Variants in ERICH1 observed in about 807,000 individuals in gnomAD.
ERICH1 encodes the protein glutamate rich 1, also known as glutamate-rich protein 1.
Under a neutral mutation model 39.6 loss-of-function variants are expected in ERICH1, and 56 were observed. The ratio of observed to expected loss-of-function variants is 1.41; its 90% confidence interval spans 1.14 to 1.77. ERICH1 has a LOEUF of 1.77. Among genes scored for constraint, ERICH1 ranks in the 40% most tolerant of loss-of-function variants. The pLI is 0.00. For missense variants in ERICH1, 826 were observed against 575.4 expected (o/e 1.44, Z -4.45); for synonymous variants, 313 against 223.6 (o/e 1.40, Z -3.57).
intron 3 of ERICH1, among the ~76,000 whole-genome samples, chr8:633,163 G>A (rs544685596): frequency 3.9e-5 from 6 of 152,170 alleles, no homozygotes; most frequent in African/African-American, 9.6e-5. Flanking sequence ...TGTGGAGCCC[G>A]CGTGGGGCCG....
At chr8:635,275 C>G (rs1318976586) in intron 3 of ERICH1, among the ~76,000 whole-genome samples, 1 of 152,170 alleles carries the variant, frequency 6.6e-6, no homozygotes, top group African/African-American at 2.4e-5. Flanking sequence ...GCGTCAGGTC[C>G]ATAGAGAAAA....
intron 1 of ERICH1, among the ~76,000 whole-genome samples, chr8:720,253 C>G (rs1162858828): frequency 6.6e-6 from 1 of 152,150 alleles, no homozygotes; most frequent in Non-Finnish European, 1.5e-5. Flanking sequence ...GCCGAGGTGC[C>G]CACGAGGAAG....
rs1386590088 is a variant in ERICH1, at chr8:673,465, T to A, written c.887A>T (p.Glu296Val). Residue 296 changes from glutamate (E) to valine (V), a missense_variant, in exon 4 of 6, where the codon GAG becomes GTG. Glu to Val is a moderately radical substitution (Grantham distance 121). Transcript: ENST00000262109. ...TTCCTCGCTGGCGTCCGCACCGTCC[T>A]CCTCCCTGGTGTCTTTACCGTCTTC... is the stretch of plus-strand genomic sequence containing the variant. ...GEEDGKDTREEDGADASEEDP... is the reference protein window; with the variant it reads ...GEEDGKDTREVDGADASEEDP... 1 of 1,611,694 alleles carries A rather than the reference T, an allele frequency of 6.2e-7. No individual in the cohort carries two copies. Among genetic ancestry groups the A allele is most frequent in the Admixed American group, 1.7e-5 (1 of 59,798 alleles).
chr8:665,944 G>T (rs1421325120), intron 5 of ERICH1: 14 of 152,194 alleles, frequency 9.2e-5, no homozygotes. Context: ...TCAAAAACTC[G>T]TATAGGCCAA....
At position 693,746 on chromosome 8, in the gene ERICH1, C is replaced by T. The variant is rs75728793; in HGVS notation, c.170-1134G>A. On this transcript the variant is annotated intron_variant, in intron 2 of 5. Transcript: ENST00000262109. ...TGGAACCTCCCTGCTGTGTGCCCCT[C>T]TGCGCACGGGACCTCCCCTGCTGTG... is the stretch of plus-strand genomic sequence containing the variant. Among the ~76,000 whole-genome samples, 612 of 151,558 alleles carry T rather than the reference C, an allele frequency of 4.0e-3. 5 individuals are homozygous for T. The highest frequency in any genetic ancestry group is 0.014 in the African/African-American group (590 of 41,318).
chr8:727,407 A>T (rs899017851), intron 1 of ERICH1, among the ~76,000 whole-genome samples: 1 of 152,206 alleles, frequency 6.6e-6, no homozygotes, highest in African/African-American at 2.4e-5. Context: ...GAGGTGCAGG[A>T]GAAACCAGAA....
chr8:644,080 C>T (rs776512591), intron 3 of ERICH1, among the ~76,000 whole-genome samples: 14 of 152,182 alleles, frequency 9.2e-5, no homozygotes, highest in Non-Finnish European at 8.8e-5. Context: ...AGACACAAAT[C>T]GGGGAAGGTG....
intron 3 of ERICH1, among the ~76,000 whole-genome samples, chr8:658,068 G>C (rs191047740): frequency 6.6e-6 from 1 of 152,222 alleles, no homozygotes; most frequent in African/African-American, 2.4e-5. Context: ...CCCCTTTCTA[G>C]AGGCCATTCT....
At chr8:696,895 C>CCTCT (rs779193839) in intron 2 of ERICH1, among the ~76,000 whole-genome samples, 29 of 147,964 alleles carry the variant, frequency 2.0e-4, no homozygotes, top group African/African-American at 4.5e-4. Context: ...CTCCTCACAC[C>CCTCT]CTCCCTCTCC....
intron 3 of ERICH1, among the ~76,000 whole-genome samples, chr8:677,180 C>T (rs1805041003): frequency 6.6e-6 from 1 of 152,214 alleles, no homozygotes; most frequent in African/African-American, 2.4e-5. Flanking sequence ...CCCCATGACT[C>T]GATAAAGCAG....
rs528550637 is a variant in ERICH1 at position 692,430 on chromosome 8, G to T, written c.304+48C>A. 77 of 1,611,348 alleles carry T rather than the reference G, an allele frequency of 4.8e-5. No individual in the cohort carries two copies. In the South Asian group the frequency reaches 8.2e-4, roughly 17 times the overall value. ...ACAATACCAGAAAATTGGGAAATAC[G>T]AGCTTATCTGCAAAGATGTCTACCT... On this transcript the variant is annotated intron_variant, in intron 3 of 5. Coordinates refer to ENST00000262109, the MANE Select transcript of ERICH1 (RefSeq NM_207332.3).
chr8:701,785 C>A lies in ERICH1; in HGVS notation c.170-9173G>T, dbSNP rs142454414. ...ATCAACTTCTAAACAATGGAAGACACTGACGTTTTTAAAAATGAAAAGGCA... is the reference window on the plus strand; with the variant it reads ...ATCAACTTCTAAACAATGGAAGACAATGACGTTTTTAAAAATGAAAAGGCA... On this transcript the variant is annotated intron_variant, in intron 2 of 5. Coordinates refer to ENST00000262109, the MANE Select transcript of ERICH1 (RefSeq NM_207332.3). Among the ~76,000 whole-genome samples the A allele has an allele frequency of 3.9e-5, 6 of 152,180 alleles. No individual in the cohort carries two copies. In the East Asian group the frequency reaches 5.8e-4, roughly 15 times the overall value.
intron 3 of ERICH1, among the ~76,000 whole-genome samples, chr8:679,402 A>G (rs376728916): frequency 3.3e-5 from 1 of 30,170 alleles, no homozygotes; most frequent in Non-Finnish European, 6.3e-5. Context: ...GCTCCCACCC[A>G]TCACAGCACC....
At chr8:687,987 G>A (rs1807877845) in intron 3 of ERICH1, among the ~76,000 whole-genome samples, 1 of 152,234 alleles carries the variant, frequency 6.6e-6, no homozygotes. Flanking sequence ...GACCTGCCCG[G>A]GTCCCGAGCC....
chr8:726,289 G>A (rs1014586973), intron 1 of ERICH1, among the ~76,000 whole-genome samples: 2 of 152,102 alleles, frequency 1.3e-5, no homozygotes, highest in African/African-American at 4.8e-5. Flanking sequence ...GACACACACA[G>A]ACACGCATGT....
intron 2 of ERICH1, among the ~76,000 whole-genome samples, chr8:712,805 C>G (rs1815061628): frequency 6.6e-6 from 1 of 152,336 alleles, no homozygotes; most frequent in East Asian, 1.9e-4. Flanking sequence ...CACTATAATC[C>G]TTTATTAGTT....
chr8:655,642 A>G (rs1007272332), intron 3 of ERICH1, among the ~76,000 whole-genome samples: 1 of 149,628 alleles, frequency 6.7e-6, no homozygotes, highest in Non-Finnish European at 1.5e-5. Flanking sequence ...CCTTATCTGT[A>G]TTCATTCTGT....
intron 3 of ERICH1, among the ~76,000 whole-genome samples, chr8:630,166 A>G (rs1201200214): frequency 1.6e-5 from 2 of 125,280 alleles, no homozygotes; most frequent in East Asian, 3.0e-4. Flanking sequence ...CCACCCACAC[A>G]GACAGAGCTG....
downstream of ERICH1, chr8:664,087 C>G (rs75508721): frequency 4.6e-3 from 1,526 of 329,920 alleles, 22 homozygotes; most frequent in African/African-American, 0.032. Context: ...CTTAGTAATA[C>G]CAAGAACTGA....
Sources: allele counts gnomAD v4.1 joint callset (sites outside exome capture counted in the v4.1 genomes callset), GRCh38; gene constraint gnomAD v4.1.1; transcripts MANE v1.5; gene names NCBI Gene and HGNC (gene_info 2026-07-23, HGNC 2026-07-21).